The following CFAP77 variants were observed in gnomAD, a reference collection of about 807,000 sequenced individuals.
The protein encoded by CFAP77 is cilia- and flagella-associated protein 77.
A neutral mutation model predicts 31.1 loss-of-function variants in CFAP77; 25 were observed. That is an observed-to-expected ratio of 0.80 (90% CI 0.59 to 1.12). CFAP77 has a LOEUF of 1.12. Ranked by LOEUF, CFAP77 falls within the 50% of genes most tolerant of loss-of-function variation. CFAP77 has a pLI of 0.00. For missense variants in CFAP77, 377 were observed against 397.3 expected (o/e 0.95, Z 0.44); for synonymous variants, 151 against 159.9 (o/e 0.94, Z 0.42).
At chr9:132,523,897 C>T (rs1198269024) in intron 3 of CFAP77, among the ~76,000 whole-genome samples, 1 of 152,198 alleles carries the variant, frequency 6.6e-6, no homozygotes, top group African/African-American at 2.4e-5. Context: ...CCCCGCCACC[C>T]CCACTCCCAG....
chr9:132,431,158 A>G (rs772708481), intron 1 of CFAP77, among the ~76,000 whole-genome samples: 3 of 152,250 alleles, frequency 2.0e-5, no homozygotes, highest in Non-Finnish European at 2.9e-5. Context: ...CACAGATACT[A>G]CAAAGCCCAA....
chr9:132,482,651 A>G (rs986002328), intron 1 of CFAP77, among the ~76,000 whole-genome samples: 12 of 152,084 alleles, frequency 7.9e-5, no homozygotes, highest in African/African-American at 2.9e-4. Context: ...TCACACAGCA[A>G]AGAAGGATCA....
intron 3 of CFAP77, among the ~76,000 whole-genome samples, chr9:132,526,386 C>G (rs1055995121): frequency 1.3e-5 from 2 of 150,832 alleles, no homozygotes; most frequent in Non-Finnish European, 1.5e-5. Flanking sequence ...CCCGCCACCA[C>G]GCCTGGCTAA....
At chr9:132,448,864 G>C (rs1444057377) in intron 1 of CFAP77, among the ~76,000 whole-genome samples, 1 of 152,222 alleles carries the variant, frequency 6.6e-6, no homozygotes, top group African/African-American at 2.4e-5. Context: ...TGAGACTACA[G>C]GATTGAGCCA....
chr9:132,515,578 C>A lies in CFAP77; in HGVS notation c.524+15978C>A, dbSNP rs113879486. On this transcript the variant is annotated intron_variant, in intron 3 of 5. Transcript: ENST00000393216. ...GGGCCCAGGCACGGGGCCTTCTCGGCCTGATGGGCGGGCTGGTCCTAGTTC... is the reference window on the plus strand; with the variant it reads ...GGGCCCAGGCACGGGGCCTTCTCGGACTGATGGGCGGGCTGGTCCTAGTTC... Among the ~76,000 whole-genome samples, 455 of 152,300 alleles carry A rather than the reference C, an allele frequency of 3.0e-3. 3 individuals are homozygous for A. The highest frequency in any genetic ancestry group is 9.8e-3 in the African/African-American group (407 of 41,550).
intron 1 of CFAP77, among the ~76,000 whole-genome samples, chr9:132,457,309 T>TGGGGGGGAGGGGGGG (rs5900982): frequency 7.7e-5 from 4 of 51,866 alleles, no homozygotes; most frequent in Non-Finnish European, 1.5e-4. Flanking sequence ...GGGACGGGGG[T>TGGGGGGGAGGGGGGG]GGGGGGGCGG....
chr9:132,514,141 T>A (rs867870587), intron 3 of CFAP77, among the ~76,000 whole-genome samples: 1 of 137,816 alleles, frequency 7.3e-6, no homozygotes, highest in Non-Finnish European at 1.6e-5. Context: ...CCCCCTCCCC[T>A]GTGTCCCTGA....
In CFAP77 at chr9:132,480,984, C is replaced by T. The variant is rs549648128; in HGVS notation, c.196-17711C>T. ...ATCCACCTTGGGTTGCTTATTTCTT[C>T]ACAGCAGGCTGAGATCTGTTAGCTC... is the stretch of plus-strand genomic sequence containing the variant. On this transcript the variant is annotated intron_variant, in intron 1 of 5. Coordinates refer to ENST00000393216, the MANE Select transcript of CFAP77 (RefSeq NM_001282957.2). This position sits in a 1 kb window ranked among gnomAD's most constrained non-coding sequence, Gnocchi z 5.8. 1.3e-5 allele frequency among the ~76,000 whole-genome samples: 2 copies of T among 152,298 alleles called. No homozygotes were observed. The highest frequency in any genetic ancestry group is 6.5e-5 in the Admixed American group (1 of 15,300).
chr9:132,521,966 T>C (rs1371458445), intron 3 of CFAP77, among the ~76,000 whole-genome samples: 1 of 152,088 alleles, frequency 6.6e-6, no homozygotes, highest in Non-Finnish European at 1.5e-5. Flanking sequence ...TTCACCTTTT[T>C]GGCTAGGCTG....
rs502742 is a variant in CFAP77 at position 132,481,045 on chromosome 9, C to G, written c.196-17650C>G. 0.11 allele frequency among the ~76,000 whole-genome samples: 17,385 copies of G among 152,184 alleles called. 1,328 individuals are homozygous for G. The highest frequency in any genetic ancestry group is 0.21 in the African/African-American group (8,907 of 41,488). ...TAGCACCAAACAAAATCTTACACAT[C>G]CAGTTGCTTTAAAATATCTCCAACA... On this transcript the variant is annotated intron_variant, in intron 1 of 5. Transcript: ENST00000393216. The surrounding 1 kb of genome is among the most constrained non-coding windows in gnomAD (Gnocchi z 5.0).
intron 1 of CFAP77, among the ~76,000 whole-genome samples, chr9:132,456,147 C>T (rs909047293): frequency 2.0e-5 from 3 of 152,138 alleles, no homozygotes; most frequent in East Asian, 1.9e-4. Flanking sequence ...CTGCCTCTCT[C>T]GTGGTTACAT....
intron 5 of CFAP77, among the ~76,000 whole-genome samples, chr9:132,555,920 G>A (rs973553729): frequency 5.3e-5 from 8 of 152,008 alleles, no homozygotes; most frequent in African/African-American, 1.9e-4. Flanking sequence ...ACACGATACC[G>A]AGAATCAACA....
chr9:132,433,683 G>C (rs1850452897), intron 1 of CFAP77, among the ~76,000 whole-genome samples: 1 of 152,060 alleles, frequency 6.6e-6, no homozygotes, highest in South Asian at 2.1e-4. Flanking sequence ...GAGTAGCTGG[G>C]ATTACAGGTG....
At chr9:132,483,204 G>C (rs1851479223) in intron 1 of CFAP77, among the ~76,000 whole-genome samples, 1 of 152,166 alleles carries the variant, frequency 6.6e-6, no homozygotes, top group African/African-American at 2.4e-5. Context: ...CCAGGAGGCA[G>C]AGGTTGCAGT....
intron 1 of CFAP77, among the ~76,000 whole-genome samples, chr9:132,441,271 G>A (rs576089031): frequency 2.8e-4 from 43 of 152,302 alleles, no homozygotes; most frequent in African/African-American, 1.0e-3. Flanking sequence ...CAGACAAGGA[G>A]ATATTTCAGT....
At chr9:132,538,863 G>A (rs536996991) in intron 4 of CFAP77, among the ~76,000 whole-genome samples, 6 of 152,206 alleles carry the variant, frequency 3.9e-5, no homozygotes, top group South Asian at 2.1e-4. Context: ...CAAGGCGGGC[G>A]GATCATGAGG....
At position 132,565,631 on chromosome 9, in the gene CFAP77, TA is replaced by T. The variant is rs202200098; in HGVS notation, c.733-6746del. On this transcript the variant is annotated intron_variant, in intron 5 of 5. Transcript: ENST00000393216. The surrounding 1 kb of genome is among the most constrained non-coding windows in gnomAD (Gnocchi z 4.1). The stretch of plus-strand genomic sequence containing the variant: ...GGGCAACGAGAATGAAACCCCTTCT[TA>T]AAAAAAAAAAGAAGATAGCTCTTGT... Among the ~76,000 whole-genome samples the T allele has an allele frequency of 0.01, 1,463 of 144,728 alleles. 23 individuals are homozygous for T. Among genetic ancestry groups the T allele is most frequent in the African/African-American group, 0.034 (1,359 of 39,696 alleles). 94.9% of individuals were successfully genotyped at this position (144,728 alleles called of 152,430 possible).
At chr9:132,529,522 A>AAAAAAC (rs1852398950) in intron 3 of CFAP77, among the ~76,000 whole-genome samples, 1 of 129,766 alleles carries the variant, frequency 7.7e-6, no homozygotes, top group African/African-American at 2.6e-5. Flanking sequence ...AAAAAAAACA[A>AAAAAAC]AAAAAAAACT....
chr9:132,503,989 A>G (rs1278799482), intron 3 of CFAP77, among the ~76,000 whole-genome samples: 1 of 152,218 alleles, frequency 6.6e-6, no homozygotes, highest in Non-Finnish European at 1.5e-5. Context: ...CAGCGAACCA[A>G]GATCGCACCA....
Sources: allele counts gnomAD v4.1 joint callset (sites outside exome capture counted in the v4.1 genomes callset), GRCh38; gene constraint gnomAD v4.1.1; non-coding constraint Gnocchi (gnomAD v3.1); transcripts MANE v1.5; gene names NCBI Gene and HGNC (gene_info 2026-07-23, HGNC 2026-07-21).